Variants in EXO1 observed in about 807,000 individuals in gnomAD.
The protein encoded by EXO1 is exonuclease 1.
Under a neutral mutation model 84.5 loss-of-function variants are expected in EXO1, and 69 were observed. That is an observed-to-expected ratio of 0.82 (90% CI 0.67 to 1.00). EXO1 has a LOEUF of 1.00. EXO1 is among the 50% of genes least tolerant of loss of function. The probability of loss-of-function intolerance (pLI) is 0.00; values close to 1 mark genes in which losing one functional copy is unlikely to be tolerated. For synonymous variants in EXO1, 373 were observed against 366.1 expected, an observed-to-expected ratio of 1.02 and a Z score of -0.21; for missense variants, 1,045 against 1,000.7, an observed-to-expected ratio of 1.04 and a Z score of -0.60.
intron 12 of EXO1, among the ~76,000 whole-genome samples, chr1:241,876,336 C>G (rs1178752284): frequency 6.6e-6 from 1 of 152,186 alleles, no homozygotes; most frequent in African/African-American, 2.4e-5. Flanking sequence ...AATCTCAGCA[C>G]TCTGGGAGGC....
chr1:241,871,911 G>GTTTT (rs35496250), intron 11 of EXO1, 121 bp from the exon 12 acceptor site: 698 of 516,910 alleles, frequency 1.4e-3, no homozygotes, highest in Admixed American at 2.7e-3. Context: ...CTGAGGCATA[G>GTTTT]TTTTTTTTTT....
chr1:241,883,521 A>G (rs528386489), intron 14 of EXO1, among the ~76,000 whole-genome samples: 7 of 152,296 alleles, frequency 4.6e-5, no homozygotes, highest in Non-Finnish European at 1.0e-4. Flanking sequence ...CCACCATCAC[A>G]TTAGGAGTTA....
chr1:241,882,154 T>C (rs1211094942), intron 14 of EXO1, 137 bp downstream of exon 14: 15 of 600,022 alleles, frequency 2.5e-5, no homozygotes, highest in Non-Finnish European at 4.2e-5. Flanking sequence ...TTTAAAACTT[T>C]ATGCTTGACT....
intron 4 of EXO1, among the ~76,000 whole-genome samples, chr1:241,851,799 C>T (rs1393110686): frequency 6.6e-6 from 1 of 152,116 alleles, no homozygotes; most frequent in African/African-American, 2.4e-5. Context: ...CAGGACACCA[C>T]TGAATATAAG....
At chr1:241,884,211 C>G (rs181194150) in intron 14 of EXO1, among the ~76,000 whole-genome samples, 47 of 152,252 alleles carry the variant, frequency 3.1e-4, no homozygotes, top group Non-Finnish European at 7.3e-5. Context: ...CAAATTCTAA[C>G]GTTTATTTCT....
chr1:241,855,841 C>G (rs1431147503), intron 6 of EXO1, among the ~76,000 whole-genome samples: 3 of 152,246 alleles, frequency 2.0e-5, no homozygotes, highest in African/African-American at 7.2e-5. Context: ...CCCTCATTGC[C>G]TGGGGCCGAC....
intron 6 of EXO1, 137 bp from the exon 7 acceptor site, chr1:241,857,208 A>G (rs1661104582): frequency 2.5e-6 from 2 of 796,768 alleles, no homozygotes; most frequent in East Asian, 2.5e-5. Context: ...GAAAAACTCT[A>G]CTTCAAAGGA....
At chr1:241,853,688 C>G (rs1335188013) in intron 6 of EXO1, among the ~76,000 whole-genome samples, 1 of 151,856 alleles carries the variant, frequency 6.6e-6, no homozygotes, top group African/African-American at 2.4e-5. Context: ...AAGTAAGGCT[C>G]TCTCTTTTAA....
At chr1:241,862,583 T>A (rs1429301839) in intron 10 of EXO1, among the ~76,000 whole-genome samples, 2 of 152,258 alleles carry the variant, frequency 1.3e-5, no homozygotes, top group African/African-American at 4.8e-5. Context: ...TTAGCACTTA[T>A]TACTGTATAA....
At chr1:241,863,396 G>A (rs1167817582) in intron 10 of EXO1, among the ~76,000 whole-genome samples, 1 of 142,408 alleles carries the variant, frequency 7.0e-6, no homozygotes, top group Non-Finnish European at 1.5e-5. Context: ...TTCAAGATGG[G>A]TGATTCCAGG....
Position 241,889,515 on chromosome 1 carries a change from A to G in EXO1, c.2456A>G (p.Asp819Gly), listed in dbSNP as rs752278136. The G allele has an allele frequency of 3.3e-5, 53 of 1,613,586 alleles. 1 individual carries two copies. In the South Asian group the frequency reaches 5.8e-4, roughly 18 times the overall value. ...AAGAAACCCCTGTCCCCAGTCAGAG[A>G]TAACATCCAACTAACTCCAGAAGCG... Reference protein sequence around the residue: ...PCKKPLSPVRDNIQLTPEAEE... With the variant: ...PCKKPLSPVRGNIQLTPEAEE... Residue 819 changes from aspartate to glycine, a missense_variant, in exon 16 of 16, where the codon GAT becomes GGT. Physicochemically the swap from Asp to Gly is moderately conservative, Grantham distance 94 (BLOSUM62 -1). Transcript: ENST00000366548.
At chr1:241,867,481 A>G (rs1056574353) in intron 11 of EXO1, among the ~76,000 whole-genome samples, 8 of 152,204 alleles carry the variant, frequency 5.3e-5, no homozygotes, top group African/African-American at 1.4e-4. Flanking sequence ...ATTATGGGAG[A>G]TACAATTCAA....
At chr1:241,877,855 T>G (rs374472517) in intron 12 of EXO1, among the ~76,000 whole-genome samples, 239 of 152,304 alleles carry the variant, frequency 1.6e-3, no homozygotes, top group African/African-American at 5.6e-3. Flanking sequence ...AACAAGCTGG[T>G]AGATTAGTAT....
Position 241,872,232 on chromosome 1 carries a change from A to G in EXO1, c.1468A>G (p.Lys490Glu), listed in dbSNP as rs751733776. 6.2e-7 allele frequency: 1 copy of G among 1,614,058 alleles called. No individual in the cohort carries two copies. Among genetic ancestry groups the G allele is most frequent in the Non-Finnish European group, 8.5e-7 (1 of 1,179,944 alleles). Residue 490 changes from lysine (K) to glutamate (E), a missense_variant, in exon 12 of 16, where the codon AAA (lysine) becomes GAA (glutamate). By Grantham distance (56) the Lys-to-Glu change is moderately conservative. Transcript: ENST00000366548. ...TAAATTTGCAACATTTTTACAAAGGAAAAATGAAGAAAGTGGTGCAGTTGT... is the reference window on the plus strand; with the variant it reads ...TAAATTTGCAACATTTTTACAAAGGGAAAATGAAGAAAGTGGTGCAGTTGT... ...RNKFATFLQRKNEESGAVVVP... is the reference protein window; with the variant it reads ...RNKFATFLQRENEESGAVVVP...
chr1:241,869,287 T>C (rs539322952), intron 11 of EXO1, among the ~76,000 whole-genome samples: 13 of 152,316 alleles, frequency 8.5e-5, no homozygotes, highest in Admixed American at 2.0e-4. Flanking sequence ...TTTGAACAGA[T>C]GTGCCAAGAC....
At chr1:241,873,157 T>C (rs1206478312) in intron 12 of EXO1, among the ~76,000 whole-genome samples, 2 of 152,122 alleles carry the variant, frequency 1.3e-5, no homozygotes, top group Non-Finnish European at 2.9e-5. Context: ...ATGTGCCATG[T>C]TGGTGTGCTG....
At chr1:241,863,642 A>G (rs367590121) in intron 10 of EXO1, among the ~76,000 whole-genome samples, 1 of 152,232 alleles carries the variant, frequency 6.6e-6, no homozygotes, top group African/African-American at 2.4e-5. Context: ...GCCTACCAAG[A>G]GAGCACAAAT....
At chr1:241,863,216 C>G (rs541409746) in intron 10 of EXO1, among the ~76,000 whole-genome samples, 30 of 152,118 alleles carry the variant, frequency 2.0e-4, no homozygotes, top group Non-Finnish European at 3.7e-4. Flanking sequence ...CCTCTGAAGT[C>G]AGCACCATTC....
intron 12 of EXO1, among the ~76,000 whole-genome samples, chr1:241,877,675 C>G (rs1662474266): frequency 6.6e-6 from 1 of 152,180 alleles, no homozygotes; most frequent in African/African-American, 2.4e-5. Context: ...CCTAAAAACT[C>G]TCTTTGCCTC....
Sources: allele counts gnomAD v4.1 joint callset (sites outside exome capture counted in the v4.1 genomes callset), GRCh38; gene constraint gnomAD v4.1.1; transcripts MANE v1.5; gene names NCBI Gene and HGNC (gene_info 2026-07-23, HGNC 2026-07-21).